Variants in MRAP observed in about 807,000 individuals in gnomAD.
The protein encoded by MRAP is melanocortin-2 receptor accessory protein.
Under a neutral mutation model 8.7 loss-of-function variants are expected in MRAP, and 8 were observed. That is an observed-to-expected ratio of 0.92 (90% confidence interval 0.54 to 1.66). The LOEUF is 1.66. MRAP is among the 40% of genes most tolerant of loss of function. MRAP has a pLI of 0.00. For missense variants in MRAP, 237 were observed against 217.1 expected (o/e 1.09, Z -0.58); for synonymous variants, 95 against 95.5 (o/e 1.00, Z 0.03).
intron 1 of MRAP, among the ~76,000 whole-genome samples, chr21:32,304,968 T>TTG (rs1168334938): frequency 3.7e-5 from 2 of 54,612 alleles, no homozygotes; most frequent in African/African-American, 9.3e-5. Flanking sequence ...TTTTGTTGTT[T>TTG]TTTTTTTTTT....
At chr21:32,297,212 T>C (rs994186658), upstream of MRAP, among the ~76,000 whole-genome samples, 2 of 152,224 alleles carry the variant, frequency 1.3e-5, no homozygotes, top group African/African-American at 4.8e-5. Flanking sequence ...CCTGAGTTTA[T>C]GCCAATGAGG....
chr21:32,300,043 T>C (rs532104770), intron 1 of MRAP, among the ~76,000 whole-genome samples: 1 of 152,262 alleles, frequency 6.6e-6, no homozygotes, highest in African/African-American at 2.4e-5. Context: ...GCGCTACCTA[T>C]CCCGTAGGAA....
chr21:32,308,967 G>C (rs917957220), intron 2 of MRAP, among the ~76,000 whole-genome samples: 1 of 152,022 alleles, frequency 6.6e-6, no homozygotes, highest in Non-Finnish European at 1.5e-5. Flanking sequence ...CCCTGAGCCA[G>C]TGCGTCCCAT....
In MRAP at chr21:32,306,731, G is replaced by A. The variant is rs756202209; in HGVS notation, c.198G>A (p.Pro66=). The A allele has an allele frequency of 2.2e-5, 35 of 1,613,704 alleles. No homozygotes were observed. The highest frequency in any genetic ancestry group is 4.5e-5 in the East Asian group (2 of 44,884). Residue 66 remains proline (P), a synonymous_variant, in exon 2 of 3, where the codon CCG becomes CCA. Transcript: ENST00000303645. ...TCTACATGTCCTGGTCCGCCTCCCC[G>A]CAGATGAGGTGGGTAAGAAGGGGTG... The part of the protein sequence containing the change: ...ILLYMSWSAS[P]QMRNSPKHHQ...
At position 32,300,770 on chromosome 21, in the gene MRAP, T is replaced by C. The variant is rs146505536; in HGVS notation, c.106+1693T>C. On this transcript the variant is annotated intron_variant, in intron 1 of 2. Transcript: ENST00000303645. ...TGTCGTGCGTCCTATGTCAGGGGCG[T>C]CATGCCTCCTATGTCGGATGTGTCA... Among the ~76,000 whole-genome samples, 575 of 147,816 alleles carry C rather than the reference T, an allele frequency of 3.9e-3. 3 individuals carry two copies. Among genetic ancestry groups the C allele is most frequent in the African/African-American group, 0.014 (544 of 39,882 alleles).
At position 32,311,669 on chromosome 21, in the gene MRAP, C is replaced by T; in HGVS notation, c.207-15C>T. The T allele has an allele frequency of 6.2e-7, 1 of 1,613,474 alleles. No individual in the cohort carries two copies. Among genetic ancestry groups the T allele is most frequent in the Non-Finnish European group, 8.5e-7 (1 of 1,179,738 alleles). On this transcript the variant is annotated splice_polypyrimidine_tract_variant and intron_variant, in intron 2 of 2. Coordinates refer to ENST00000303645, the MANE Select transcript of MRAP (RefSeq NM_001379228.1). ...GCAACTATGATGCCTGCCTCCCACT[C>T]TGCTCTGTTCACAGGAACAGCCCCA...
chr21:32,292,263 G>C (rs1421128706), intron 1 of MRAP, among the ~76,000 whole-genome samples: 1 of 152,204 alleles, frequency 6.6e-6, no homozygotes, highest in Non-Finnish European at 1.5e-5. Context: ...GGTTACAGAT[G>C]AAACTAAATT....
chr21:32,311,890 C>A lies in MRAP; in HGVS notation c.413C>A (p.Thr138Asn). The A allele has an allele frequency of 6.2e-7, 1 of 1,614,028 alleles. No individual in the cohort carries two copies. Among genetic ancestry groups the A allele is most frequent in the South Asian group, 1.1e-5 (1 of 91,086 alleles). The change falls in exon 3 of 3, where the codon ACC becomes AAC. Residue 138 changes from threonine (T) to asparagine (N), a missense_variant. Transcript: ENST00000303645. Reference sequence around the variant, plus strand: ...ACCTTGCCCCTCGGGGGTTTCCAGACCCACCCCACTCTCCTCTGGGAACTG... The same window carrying A: ...ACCTTGCCCCTCGGGGGTTTCCAGAACCACCCCACTCTCCTCTGGGAACTG... ...SSTLPLGGFQ[T>N]HPTLLWELTL...
chr21:32,295,719 T>C (rs1381558322), upstream of MRAP, among the ~76,000 whole-genome samples: 6 of 152,180 alleles, frequency 3.9e-5, no homozygotes, highest in Admixed American at 3.9e-4. Flanking sequence ...TTCATGCCTG[T>C]AATCCCAGCA....
At position 32,300,682 on chromosome 21, in the gene MRAP, A is replaced by ATG. The variant is rs1569026348; in HGVS notation, c.106+1605_106+1606insTG. Among the ~76,000 whole-genome samples, 17 of 31,786 alleles carry ATG rather than the reference A, an allele frequency of 5.3e-4. 1 individual carries two copies. The South Asian group carries it at 0.01, about 19-fold the overall frequency. The allele number at this position is 31,786 out of a possible 152,430, so 20.9% of individuals were successfully genotyped here. A position where few individuals can be genotyped will look rare whatever the true frequency, so the allele number is the denominator to read the frequency against. ...TCACACGTCCTATGTCGGATGTGTC[A>ATG]CGCGTCCTATGTCAGGGGCGTCATG... On this transcript the variant is annotated intron_variant, in intron 1 of 2. Coordinates refer to ENST00000303645, the MANE Select transcript of MRAP (RefSeq NM_001379228.1).
chr21:32,297,233 T>C (rs1005500832), upstream of MRAP, among the ~76,000 whole-genome samples: 4 of 152,196 alleles, frequency 2.6e-5, no homozygotes, highest in African/African-American at 9.7e-5. Flanking sequence ...TGGGGGCTAG[T>C]TGTCAGAGGA....
intron 1 of MRAP, among the ~76,000 whole-genome samples, chr21:32,304,301 A>G (rs2032352104): frequency 6.6e-6 from 1 of 152,142 alleles, no homozygotes; most frequent in African/African-American, 2.4e-5. Context: ...GAAGGCTAAG[A>G]GAGTCAGAGG....
At chr21:32,307,013 G>A (rs565358927) in intron 2 of MRAP, among the ~76,000 whole-genome samples, 50 of 152,100 alleles carry the variant, frequency 3.3e-4, no homozygotes, top group Non-Finnish European at 4.9e-4. Flanking sequence ...CTCAACCTAC[G>A]TCCCTACAAT....
At position 32,311,825 on chromosome 21, in the gene MRAP, A is replaced by C. The variant is rs2032582626; in HGVS notation, c.348A>C (p.Arg116Ser). The C allele has an allele frequency of 6.2e-7, 1 of 1,613,988 alleles. No homozygotes were observed. The highest frequency in any genetic ancestry group is 2.2e-5 in the East Asian group (1 of 44,870). Residue 116 changes from arginine to serine, a missense_variant, in exon 3 of 3, where the codon AGA (arginine) becomes AGC (serine). By Grantham distance (110) the Arg-to-Ser change is moderately radical. Coordinates refer to ENST00000303645, the MANE Select transcript of MRAP (RefSeq NM_001379228.1). ...CGAGCTCAGTGGAGCCAGGGAGCAG[A>C]ACTGGCCCTGACCAGCCGCTACGAC... Reference protein sequence around the residue: ...AQASSVEPGSRTGPDQPLRQE... With the variant: ...AQASSVEPGSSTGPDQPLRQE...
upstream of MRAP, among the ~76,000 whole-genome samples, chr21:32,293,893 T>A (rs2032094350): frequency 6.6e-6 from 1 of 152,130 alleles, no homozygotes; most frequent in African/African-American, 2.4e-5. Context: ...ACTAGGGGAC[T>A]TGCATGGATC....
At chr21:32,297,852 C>A (rs1352841651), upstream of MRAP, among the ~76,000 whole-genome samples, 1 of 152,174 alleles carries the variant, frequency 6.6e-6, no homozygotes, top group African/African-American at 2.4e-5. Context: ...AACTGAACTA[C>A]CCTCAAAGTG....
At chr21:32,292,073 A>AT (rs1160096404) in intron 1 of MRAP, among the ~76,000 whole-genome samples, 2 of 152,286 alleles carry the variant, frequency 1.3e-5, no homozygotes, top group Non-Finnish European at 1.5e-5. Flanking sequence ...TATGAGACAA[A>AT]TAAGGAAAAT....
At chr21:32,293,962 T>C (rs995360924), upstream of MRAP, among the ~76,000 whole-genome samples, 1 of 152,186 alleles carries the variant, frequency 6.6e-6, no homozygotes, top group African/African-American at 2.4e-5. Context: ...AAATCCAGAT[T>C]ATTATCAGAC....
At chr21:32,306,419 C>T (rs1298728262) in intron 1 of MRAP, 4 of 601,356 alleles carry the variant, frequency 6.7e-6, no homozygotes, top group Admixed American at 4.6e-5. Context: ...AAACAGACCC[C>T]GTGGCCAGCT....
Sources: gnomAD v4.1 joint callset for allele counts (sites outside exome capture counted in the v4.1 genomes callset) on GRCh38, gnomAD v4.1.1 for gene constraint, MANE v1.5 for transcripts, NCBI Gene and HGNC (gene_info 2026-07-23, HGNC 2026-07-21) for gene names.